STX1B: variants seen among roughly 807,000 people sequenced by gnomAD.
The protein encoded by STX1B is syntaxin-1B.
STX1B carries 7 observed loss-of-function variants against 39.4 expected under a neutral mutation model. The ratio of observed to expected loss-of-function variants is 0.18; its 90% CI spans 0.10 to 0.33. The LOEUF (loss-of-function observed/expected upper bound fraction) is 0.33, where lower values mean the gene tolerates loss of function less well. Among genes scored for constraint, STX1B ranks in the 10% least tolerant of loss-of-function variants. STX1B has a pLI of 1.00. For missense variants in STX1B, 198 were observed against 383.2 expected (o/e 0.52, Z 4.04); for synonymous variants, 136 against 144.1 (o/e 0.94, Z 0.40).
At chr16:31,006,278 C>A (rs2056654767) in intron 1 of STX1B, among the ~76,000 whole-genome samples, 1 of 152,124 alleles carries the variant, frequency 6.6e-6, no homozygotes, top group Non-Finnish European at 1.5e-5. Flanking sequence ...CTGGCTGGGG[C>A]CTCTCCTTGC....
At chr16:31,009,690 G>A (rs1476976737) in intron 1 of STX1B, among the ~76,000 whole-genome samples, 2 of 151,688 alleles carry the variant, frequency 1.3e-5, no homozygotes, top group African/African-American at 2.4e-5. Context: ...GCCCTTGACT[G>A]CCCGGGGTGC....
intron 7 of STX1B, among the ~76,000 whole-genome samples, chr16:30,995,025 C>A (rs1253877669): frequency 6.6e-6 from 1 of 151,628 alleles, no homozygotes; most frequent in Admixed American, 6.6e-5. Flanking sequence ...AATCCTTCCA[C>A]CTTAGCCTCC....
chr16:30,995,596 A>C (rs1015847713), intron 7 of STX1B, among the ~76,000 whole-genome samples: 1 of 151,352 alleles, frequency 6.6e-6, no homozygotes. Context: ...GGTTCAAGTG[A>C]TCCTCCTGCC....
At chr16:31,000,307 CT>C (rs1171231357) in intron 4 of STX1B, among the ~76,000 whole-genome samples, 7 of 144,502 alleles carry the variant, frequency 4.8e-5, no homozygotes, top group Admixed American at 7.2e-5. Flanking sequence ...CGCCCAGTCC[CT>C]TTTTTTTTGT....
chr16:30,995,831 G>A (rs2056588907), intron 7 of STX1B, among the ~76,000 whole-genome samples: 1 of 152,034 alleles, frequency 6.6e-6, no homozygotes, highest in African/African-American at 2.4e-5. Context: ...GGCAGCACAG[G>A]GGACAAAACC....
chr16:30,997,420 T>A, intron 5 of STX1B, 82 bp downstream of exon 5: 1 of 1,271,878 alleles, frequency 7.9e-7, no homozygotes. Flanking sequence ...CGCCGGTGCT[T>A]GGCCCTGGCC....
rs1212250972 is a variant in STX1B, at chr16:30,992,425, G to A, written c.*396C>T. On this transcript the variant is annotated 3_prime_UTR_variant, in exon 10 of 10. Transcript: ENST00000215095. ...CAGAGAGGGCGTGATGGACTGCTGT[G>A]TTACACTTGGCTGCAGTCTACACAA... 2 of 213,572 alleles carry A rather than the reference G, an allele frequency of 9.4e-6. 1 individual carries two copies. The highest frequency in any genetic ancestry group is 1.9e-4 in the South Asian group (2 of 10,566). 13.2% of individuals were successfully genotyped at this position (213,572 alleles called of 1,614,324 possible). A position where few individuals can be genotyped will look rare whatever the true frequency, so the allele number is the denominator to read the frequency against.
intron 8 of STX1B, 31 bp downstream of exon 8, chr16:30,993,316 C>T (rs758890256): frequency 1.2e-6 from 2 of 1,613,726 alleles, no homozygotes; most frequent in South Asian, 2.2e-5. Context: ...CAGGGAGGCT[C>T]CCAGAGTGGC....
rs533862623 is a variant in STX1B, at chr16:31,010,285, C to A, written c.30+82G>T. On this transcript the variant is annotated intron_variant, in intron 1 of 9. Coordinates refer to ENST00000215095, the MANE Select transcript of STX1B (RefSeq NM_052874.5). ...CGATCTCATCCTTCGCCCCCACGTC[C>A]CAGCACCTCCCCCACTCCATCCCCA... 3.6e-5 allele frequency: 40 copies of A among 1,126,020 alleles called. 1 individual carries two copies. The highest frequency in any genetic ancestry group is 1.4e-4 in the Admixed American group (5 of 35,788). The allele number at this position is 1,126,020 out of a possible 1,614,324, so 69.8% of individuals were successfully genotyped here.
At chr16:31,005,631 G>A (rs1028385720) in intron 1 of STX1B, among the ~76,000 whole-genome samples, 1 of 151,816 alleles carries the variant, frequency 6.6e-6, no homozygotes, top group Non-Finnish European at 1.5e-5. Context: ...TAATCCTCAC[G>A]ACCACTCCAT....
chr16:30,995,832 G>A (rs1197326626), intron 7 of STX1B, among the ~76,000 whole-genome samples: 2 of 152,032 alleles, frequency 1.3e-5, no homozygotes, highest in Non-Finnish European at 2.9e-5. Flanking sequence ...GCAGCACAGG[G>A]GACAAAACCT....
intron 1 of STX1B, among the ~76,000 whole-genome samples, chr16:31,006,432 A>C (rs1047398931): frequency 3.3e-5 from 5 of 151,756 alleles, no homozygotes; most frequent in African/African-American, 1.2e-4. Context: ...TGTGCCAGGT[A>C]CTCTTCTGGG....
intron 1 of STX1B, among the ~76,000 whole-genome samples, chr16:31,007,071 G>C (rs532806136): frequency 6.6e-6 from 1 of 152,104 alleles, no homozygotes; most frequent in Non-Finnish European, 1.5e-5. Context: ...TGATTGCACC[G>C]CTGCACTCCA....
chr16:31,010,341 C>A (rs774274715), intron 1 of STX1B, 26 bp downstream of exon 1: 4 of 1,365,894 alleles, frequency 2.9e-6, no homozygotes, highest in Non-Finnish European at 3.9e-6. Context: ...GTCCCGCCCC[C>A]CCATTCTCCC....
intron 1 of STX1B, among the ~76,000 whole-genome samples, chr16:31,004,502 T>C (rs1450990842): frequency 1.3e-5 from 2 of 152,030 alleles, no homozygotes; most frequent in African/African-American, 4.8e-5. Flanking sequence ...AGCAAGATCA[T>C]GTCTCTACAA....
At chr16:31,002,830 G>C (rs9925932) in intron 1 of STX1B, among the ~76,000 whole-genome samples, 150,808 of 152,292 alleles carry the variant, frequency 0.99, 74,691 homozygotes, top group Middle Eastern at 1. Flanking sequence ...AACCCCAGAG[G>C]CTGGGTGAAA....
intron 7 of STX1B, among the ~76,000 whole-genome samples, chr16:30,995,787 G>A (rs948062824): frequency 6.6e-6 from 1 of 152,070 alleles, no homozygotes; most frequent in Admixed American, 6.5e-5. Flanking sequence ...CACTGGGCCC[G>A]GCCAGCCCAT....
Position 30,992,710 on chromosome 16 carries a change from G to C in STX1B, c.*111C>G, listed in dbSNP as rs2056568564. The C allele has an allele frequency of 2.8e-6, 2 of 706,258 alleles. No homozygotes were observed. Among genetic ancestry groups the C allele is most frequent in the African/African-American group, 1.8e-5 (1 of 56,788 alleles). 43.7% of individuals were successfully genotyped at this position (706,258 alleles called of 1,614,324 possible). ...TCTGCCGTGGGGGTGGGGCTGCCTG[G>C]GTCTGTTTTGGGAGTGAGCCTGGAG... is the stretch of plus-strand genomic sequence containing the variant. On this transcript the variant is annotated 3_prime_UTR_variant, in exon 10 of 10. Coordinates refer to ENST00000215095, the MANE Select transcript of STX1B (RefSeq NM_052874.5).
Position 30,994,892 on chromosome 16 carries a change from CT to C in STX1B, c.538-1409del, listed in dbSNP as rs10524041. On this transcript the variant is annotated intron_variant, in intron 7 of 9. Transcript: ENST00000215095. ...TTTGGACAGTGTTCAGTCTCCCCGT[CT>C]TTTTTTTTTTTTTTTTTTTGGTTTT... 4.9e-4 allele frequency among the ~76,000 whole-genome samples: 49 copies of C among 99,824 alleles called. 1 individual carries two copies. Among genetic ancestry groups the C allele is most frequent in the African/African-American group, 1.5e-3 (43 of 27,882 alleles). 65.5% of individuals were successfully genotyped at this position (99,824 alleles called of 152,430 possible). A position where few individuals can be genotyped will look rare whatever the true frequency, so the allele number is the denominator to read the frequency against.
Sources: allele counts gnomAD v4.1 joint callset (sites outside exome capture counted in the v4.1 genomes callset), GRCh38; gene constraint gnomAD v4.1.1; transcripts MANE v1.5; gene names NCBI Gene and HGNC (gene_info 2026-07-23, HGNC 2026-07-21).